The following MASP1 variants were observed in gnomAD, a reference collection of about 807,000 sequenced individuals.
MASP1 encodes the protein mannan-binding lectin serine protease 1.
In MASP1, 59 loss-of-function variants were observed where a neutral mutation model predicts 77.1. That is an observed-to-expected ratio of 0.77 (90% CI 0.62 to 0.95). The LOEUF is 0.95. MASP1 is among the 40% of genes least tolerant of loss of function. The pLI, the probability that MASP1 is intolerant of heterozygous loss-of-function variation, is 0.00. For synonymous variants in MASP1, 362 were observed against 354.5 expected (o/e 1.02, Z -0.24); for missense variants, 885 against 912.9 (o/e 0.97, Z 0.39).
intron 15 of MASP1, among the ~76,000 whole-genome samples, chr3:187,220,796 C>A (rs1187318125): frequency 6.6e-6 from 1 of 152,238 alleles, no homozygotes; most frequent in Non-Finnish European, 1.5e-5. Context: ...CCGTGCCCGG[C>A]CAAGGCCTCT....
chr3:187,251,420 A>G, intron 7 of MASP1: 1 of 557,602 alleles, frequency 1.8e-6, no homozygotes, highest in Non-Finnish European at 3.2e-6. Flanking sequence ...ATTAAAAAAA[A>G]AAAAAAAACA....
intron 2 of MASP1, among the ~76,000 whole-genome samples, chr3:187,269,786 AGGAGATATTGAGCATGT>A (rs1716363888): frequency 6.6e-6 from 1 of 152,204 alleles, no homozygotes; most frequent in Non-Finnish European, 1.5e-5. Flanking sequence ...CACCAAGACA[AGGAGATATTGAGCATGT>A]GGAGAGCAAA....
chr3:187,278,150 T>A (rs1717111738), intron 2 of MASP1, among the ~76,000 whole-genome samples: 1 of 152,208 alleles, frequency 6.6e-6, no homozygotes, highest in Non-Finnish European at 1.5e-5. Flanking sequence ...ATCATTATTA[T>A]CTCCATTTTA....
intron 13 of MASP1, among the ~76,000 whole-genome samples, chr3:187,223,523 G>T (rs562318552): frequency 7.6e-4 from 116 of 152,314 alleles, no homozygotes; most frequent in African/African-American, 2.5e-3. Flanking sequence ...CTATAGCAAT[G>T]CTGTCACATA....
intron 5 of MASP1, 95 bp from the exon 6 acceptor site, chr3:187,253,410 T>C (rs1241031342): frequency 1.8e-5 from 24 of 1,307,214 alleles, no homozygotes; most frequent in Non-Finnish European, 2.6e-5. Flanking sequence ...GCACTCTGGG[T>C]TTTCTGGAAG....
intron 14 of MASP1, chr3:187,221,227 C>G (rs72549177): frequency 8.2e-4 from 673 of 819,686 alleles, no homozygotes; most frequent in Non-Finnish European, 1.3e-3. Context: ...CACTCCATAC[C>G]TGGACGGACC....
At position 187,251,763 on chromosome 3, in the gene MASP1, G is replaced by A; in HGVS notation, c.893-11C>T. 1 of 1,598,320 alleles carries A rather than the reference G, an allele frequency of 6.3e-7. No homozygotes were observed. Among genetic ancestry groups the A allele is most frequent in the South Asian group, 1.1e-5 (1 of 90,786 alleles). On this transcript the variant is annotated splice_polypyrimidine_tract_variant and intron_variant, in intron 6 of 10. Coordinates refer to ENST00000296280, the MANE Select transcript of MASP1 (RefSeq NM_139125.4). ...CTGGGCACTCATTTCCTGGTGAGGA[G>A]CAAATGAAAGAACAGCAGGTGAGAA...
At chr3:187,273,001 G>C (rs1050147614) in intron 2 of MASP1, among the ~76,000 whole-genome samples, 2 of 152,120 alleles carry the variant, frequency 1.3e-5, no homozygotes, top group African/African-American at 4.8e-5. Context: ...TCAGAAAAGT[G>C]CCCGGGATAC....
In MASP1 at chr3:187,234,098, G is replaced by A. The variant is rs1295490777; in HGVS notation, c.*1586C>T. On this transcript the variant is annotated 3_prime_UTR_variant, in exon 11 of 11. Transcript: ENST00000296280. ...AGCCAAGGCTGTTGGTTATCCACGA[G>A]GGTTTATTTCCACTTGAGACCCCTG... 6 of 1,275,494 alleles carry A rather than the reference G, an allele frequency of 4.7e-6. No homozygotes were observed. The highest frequency in any genetic ancestry group is 5.1e-6 in the Non-Finnish European group (5 of 980,790). 79.0% of individuals were successfully genotyped at this position (1,275,494 alleles called of 1,614,324 possible).
chr3:187,290,413 A>G (rs1055203177), intron 1 of MASP1, among the ~76,000 whole-genome samples: 2 of 152,250 alleles, frequency 1.3e-5, no homozygotes, highest in African/African-American at 4.8e-5. Context: ...ACTGAATGGT[A>G]GGGTGGGATT....
At chr3:187,247,497 G>A (rs1714197113) in intron 8 of MASP1, 2 of 1,160,522 alleles carry the variant, frequency 1.7e-6, no homozygotes, top group Middle Eastern at 2.0e-4. Flanking sequence ...GTTTATGCAG[G>A]AAATACAGAA....
intron 2 of MASP1, among the ~76,000 whole-genome samples, chr3:187,270,253 C>T (rs756259017): frequency 9.2e-5 from 14 of 152,124 alleles, no homozygotes; most frequent in Non-Finnish European, 1.3e-4. Context: ...GCTTCTGAAA[C>T]GTCTCCTCAA....
chr3:187,232,150 GT>G (rs1225164052), downstream of MASP1, among the ~76,000 whole-genome samples: 1 of 152,108 alleles, frequency 6.6e-6, no homozygotes, highest in Non-Finnish European at 1.5e-5. Context: ...ATTGGGTGCT[GT>G]TGACTACTTC....
At chr3:187,286,959 A>G (rs1026569560) in intron 1 of MASP1, among the ~76,000 whole-genome samples, 2 of 152,168 alleles carry the variant, frequency 1.3e-5, no homozygotes, top group African/African-American at 4.8e-5. Context: ...CATTTACCCC[A>G]GAGTCAAGAG....
chr3:187,261,936 C>A (rs1248923588), intron 3 of MASP1, among the ~76,000 whole-genome samples: 1 of 152,156 alleles, frequency 6.6e-6, no homozygotes, highest in South Asian at 2.1e-4. Context: ...GAATTAACTT[C>A]AAAAACATTA....
In MASP1 at chr3:187,235,636, C is replaced by T. The variant is rs755423164; in HGVS notation, c.*48G>A. On this transcript the variant is annotated 3_prime_UTR_variant, in exon 11 of 11. Transcript: ENST00000296280. ...AATGTGGAGTGTGCTGTCGGAAGTGCGGTGTAGCTTCGCTCAGGGGAGGCA... is the reference window on the plus strand; with the variant it reads ...AATGTGGAGTGTGCTGTCGGAAGTGTGGTGTAGCTTCGCTCAGGGGAGGCA... 1.7e-5 allele frequency: 28 copies of T among 1,610,282 alleles called. No individual in the cohort carries two copies. Among genetic ancestry groups the T allele is most frequent in the East Asian group, 2.2e-5 (1 of 44,882 alleles).
chr3:187,265,637 C>T (rs1715956564), intron 2 of MASP1, among the ~76,000 whole-genome samples: 1 of 152,200 alleles, frequency 6.6e-6, no homozygotes, highest in African/African-American at 2.4e-5. Flanking sequence ...AGAGCTATTT[C>T]TATCTGCCTC....
chr3:187,267,508 A>G (rs1324516572), intron 2 of MASP1, among the ~76,000 whole-genome samples: 1 of 152,206 alleles, frequency 6.6e-6, no homozygotes, highest in African/African-American at 2.4e-5. Context: ...AATAGTCATT[A>G]CTCACTGAAG....
chr3:187,268,700 T>A (rs191489987), intron 2 of MASP1, among the ~76,000 whole-genome samples: 42 of 152,246 alleles, frequency 2.8e-4, no homozygotes, highest in African/African-American at 9.6e-4. Context: ...AAGTCTTCAA[T>A]ATGTGAGCAG....
Sources: allele counts gnomAD v4.1 joint callset (sites outside exome capture counted in the v4.1 genomes callset), GRCh38; gene constraint gnomAD v4.1.1; transcripts MANE v1.5; gene names NCBI Gene and HGNC (gene_info 2026-07-23, HGNC 2026-07-21).